The following NEGR1 variants were observed in gnomAD, a reference collection of about 807,000 sequenced individuals.
NEGR1 encodes neuronal growth regulator 1.
A neutral mutation model predicts 40.9 loss-of-function variants in NEGR1; 10 were observed. The ratio of observed to expected loss-of-function variants is 0.24; its 90% confidence interval spans 0.15 to 0.42. The LOEUF is 0.42. Among genes scored for constraint, NEGR1 ranks in the 10% least tolerant of loss-of-function variants. The pLI is 1.00. For synonymous variants in NEGR1, 185 were observed against 166.8 expected (o/e 1.11, Z -0.84); for missense variants, 352 against 438.9 (o/e 0.80, Z 1.77).
At chr1:71,685,150 T>G (rs1652987711) in intron 4 of NEGR1, among the ~76,000 whole-genome samples, 1 of 152,082 alleles carries the variant, frequency 6.6e-6, no homozygotes, top group African/African-American at 2.4e-5. Flanking sequence ...ACTTTTCGCT[T>G]TTTGTGCGTG....
chr1:72,281,434 A>G (rs905189072), intron 1 of NEGR1, among the ~76,000 whole-genome samples: 2 of 152,124 alleles, frequency 1.3e-5, no homozygotes, highest in Non-Finnish European at 2.9e-5. Flanking sequence ...TAGTATGTTT[A>G]TGGAAATAAG....
chr1:72,239,741 G>A (rs1279686297), intron 1 of NEGR1, among the ~76,000 whole-genome samples: 1 of 151,458 alleles, frequency 6.6e-6, no homozygotes, highest in African/African-American at 2.4e-5. Context: ...AGGAATACTA[G>A]AAAGGAATTA....
chr1:71,439,879 T>G (rs985418180), intron 6 of NEGR1: 1 of 151,878 alleles, frequency 6.6e-6, no homozygotes, highest in Admixed American at 6.6e-5. Flanking sequence ...CTCTCATATA[T>G]ATATATAAAT....
intron 6 of NEGR1, among the ~76,000 whole-genome samples, chr1:71,455,656 C>A (rs549394678): frequency 2.6e-5 from 4 of 152,226 alleles, no homozygotes; most frequent in South Asian, 4.1e-4. Context: ...ACCCAGGAGG[C>A]GGAGGTTGCA....
intron 2 of NEGR1, among the ~76,000 whole-genome samples, chr1:71,844,800 C>A (rs1031153597): frequency 2.6e-5 from 4 of 152,150 alleles, no homozygotes; most frequent in African/African-American, 7.2e-5. Flanking sequence ...GAAGTCAGAT[C>A]ACTAACACAT....
chr1:72,113,632 T>C (rs1649470279), intron 1 of NEGR1, among the ~76,000 whole-genome samples: 1 of 151,520 alleles, frequency 6.6e-6, no homozygotes. Flanking sequence ...AAGGAAAGTG[T>C]GGTGAAGGAT....
intron 6 of NEGR1, among the ~76,000 whole-genome samples, chr1:71,435,542 A>T (rs904462385): frequency 1.3e-5 from 2 of 152,028 alleles, no homozygotes; most frequent in Non-Finnish European, 2.9e-5. Context: ...AAAAAAAAAA[A>T]GTCACAGAGA....
chr1:71,621,446 T>G (rs893262413), intron 4 of NEGR1, among the ~76,000 whole-genome samples: 1 of 151,888 alleles, frequency 6.6e-6, no homozygotes. Context: ...ATTAAACATA[T>G]TGATGAGGTC....
intron 2 of NEGR1, among the ~76,000 whole-genome samples, chr1:71,857,457 C>CAAAAAAAA (rs34177437): frequency 5.3e-4 from 41 of 77,650 alleles, no homozygotes; most frequent in Non-Finnish European, 7.0e-4. Context: ...ACAAAAAATA[C>CAAAAAAAA]AAAAAAAAAA....
At chr1:71,822,331 T>C (rs1658460282) in intron 2 of NEGR1, among the ~76,000 whole-genome samples, 1 of 151,990 alleles carries the variant, frequency 6.6e-6, no homozygotes. Flanking sequence ...TGATATCTAC[T>C]ATAGAACACC....
At chr1:71,508,910 G>C (rs1175533633) in intron 6 of NEGR1, among the ~76,000 whole-genome samples, 2 of 152,118 alleles carry the variant, frequency 1.3e-5, no homozygotes, top group African/African-American at 4.8e-5. Flanking sequence ...ATGGGTGAGG[G>C]GCAGACATCA....
intron 3 of NEGR1, among the ~76,000 whole-genome samples, chr1:71,711,075 T>C (rs533821213): frequency 6.6e-6 from 1 of 151,668 alleles, no homozygotes; most frequent in African/African-American, 2.4e-5. Context: ...AACAAATACT[T>C]TATTAAAGAA....
Position 71,403,797 on chromosome 1 carries a change from G to C in NEGR1, c.*3649C>G. On this transcript the variant is annotated 3_prime_UTR_variant, in exon 7 of 7. Coordinates refer to ENST00000357731, the MANE Select transcript of NEGR1 (RefSeq NM_173808.3). ...AAACAGTACAACATATTTTACATCA[G>C]GTTATGAAATATGGATGTTTTACTA... is the stretch of plus-strand genomic sequence containing the variant. The C allele has an allele frequency of 2.7e-6, 1 of 377,190 alleles. No individual in the cohort carries two copies. The highest frequency in any genetic ancestry group is 4.7e-6 in the Non-Finnish European group (1 of 210,694). 23.4% of individuals were successfully genotyped at this position (377,190 alleles called of 1,614,324 possible).
At chr1:71,484,514 C>A (rs1037278254) in intron 6 of NEGR1, among the ~76,000 whole-genome samples, 1 of 151,620 alleles carries the variant, frequency 6.6e-6, no homozygotes, top group Non-Finnish European at 1.5e-5. Context: ...ATGAGATTAT[C>A]CCCTTAGAAA....
intron 1 of NEGR1, among the ~76,000 whole-genome samples, chr1:72,133,687 G>T (rs942689004): frequency 1.8e-4 from 28 of 151,420 alleles, no homozygotes; most frequent in Admixed American, 3.9e-4. Context: ...GGTAAAAACT[G>T]AAAATATTTT....
At chr1:71,503,453 G>C (rs1647011766) in intron 6 of NEGR1, among the ~76,000 whole-genome samples, 2 of 152,110 alleles carry the variant, frequency 1.3e-5, no homozygotes, top group Non-Finnish European at 2.9e-5. Context: ...GAAGATCAAG[G>C]GGCAACAAGA....
rs1475341609 is a variant in NEGR1 at position 71,688,325 on chromosome 1, T to TATATATATATATAGATAG, written c.667+9682_667+9683insCTATCTATATATATATAT. Among the ~76,000 whole-genome samples, 48 of 103,206 alleles carry TATATATATATATAGATAG rather than the reference T, an allele frequency of 4.7e-4. 2 individuals are homozygous for TATATATATATATAGATAG. The highest frequency in any genetic ancestry group is 1.4e-3 in the East Asian group (5 of 3,622). 67.7% of individuals were successfully genotyped at this position (103,206 alleles called of 152,430 possible). ...TTCCCTTTTCATATATATATATATA[T>TATATATATATATAGATAG]ATAGATAGATAGATAGATAGATAGA... On this transcript the variant is annotated intron_variant, in intron 4 of 6. Transcript: ENST00000357731.
intron 2 of NEGR1, among the ~76,000 whole-genome samples, chr1:71,847,729 C>T (rs1290273198): frequency 1.3e-5 from 2 of 152,156 alleles, no homozygotes; most frequent in African/African-American, 4.8e-5. Context: ...TAATACCCTA[C>T]AATGACCTCT....
At chr1:71,994,263 TC>T (rs1646482126) in intron 1 of NEGR1, among the ~76,000 whole-genome samples, 1 of 152,132 alleles carries the variant, frequency 6.6e-6, no homozygotes, top group Non-Finnish European at 1.5e-5. Flanking sequence ...GTGTGGTGGC[TC>T]ACGCCTGTAA....
Sources: gnomAD v4.1 joint callset for allele counts (sites outside exome capture counted in the v4.1 genomes callset) on GRCh38, gnomAD v4.1.1 for gene constraint, MANE v1.5 for transcripts, NCBI Gene and HGNC (gene_info 2026-07-23, HGNC 2026-07-21) for gene names.